CDH22: variants seen among roughly 807,000 people sequenced by gnomAD.
CDH22 encodes cadherin 22.
Under a neutral mutation model 58.4 loss-of-function variants are expected in CDH22, and 30 were observed. The observed-to-expected ratio is 0.51, with a 90% CI of 0.38 to 0.70. The LOEUF (loss-of-function observed/expected upper bound fraction) is 0.70, where lower values mean the gene tolerates loss of function less well. Ranked by LOEUF, CDH22 falls within the 30% of genes least tolerant of loss-of-function variation. The pLI is 0.00. For missense variants in CDH22, 1,014 were observed against 1,233.9 expected (o/e 0.82, Z 2.67); for synonymous variants, 513 against 558.2 (o/e 0.92, Z 1.14).
At chr20:46,202,197 C>T (rs1398727910) in intron 7 of CDH22, among the ~76,000 whole-genome samples, 1 of 151,950 alleles carries the variant, frequency 6.6e-6, no homozygotes, top group Non-Finnish European at 1.5e-5. Context: ...TGCCCAGCCA[C>T]GTGTCCTAGA....
At chr20:46,209,333 AG>A (rs1448556486) in intron 7 of CDH22, among the ~76,000 whole-genome samples, 1 of 152,108 alleles carries the variant, frequency 6.6e-6, no homozygotes, top group Admixed American at 6.5e-5. Context: ...CAAGGCTGTG[AG>A]GGGGCCAGTG....
chr20:46,284,562 C>T (rs2086567376), intron 1 of CDH22, among the ~76,000 whole-genome samples: 1 of 152,194 alleles, frequency 6.6e-6, no homozygotes, highest in Non-Finnish European at 1.5e-5. Flanking sequence ...GAGGTGCAGA[C>T]TCAGAGGTGG....
At chr20:46,283,128 G>A (rs1735204591) in intron 1 of CDH22, among the ~76,000 whole-genome samples, 1 of 152,194 alleles carries the variant, frequency 6.6e-6, no homozygotes, top group African/African-American at 2.4e-5. Context: ...ATCCAGTTAT[G>A]GCAAGAAGCA....
chr20:46,211,087 C>G (rs368767247), intron 6 of CDH22, among the ~76,000 whole-genome samples: 3 of 152,164 alleles, frequency 2.0e-5, no homozygotes, highest in East Asian at 1.9e-4. Flanking sequence ...GAGTTGAGCC[C>G]GATAAGCCGG....
chr20:46,174,160 T>G lies in CDH22; in HGVS notation c.*346A>C. 1 of 333,144 alleles carries G rather than the reference T, an allele frequency of 3.0e-6. No individual in the cohort carries two copies. The highest frequency in any genetic ancestry group is 5.4e-6 in the Non-Finnish European group (1 of 184,726). The allele number at this position is 333,144 out of a possible 1,614,324, so 20.6% of individuals were successfully genotyped here. A position where few individuals can be genotyped will look rare whatever the true frequency, so the allele number is the denominator to read the frequency against. ...CTGGGGTGGGGGCATCTCAGCGGCGTGCTCCCTCCAGCATTCTCCCCCAGG... is the reference window on the plus strand; with the variant it reads ...CTGGGGTGGGGGCATCTCAGCGGCGGGCTCCCTCCAGCATTCTCCCCCAGG... On this transcript the variant is annotated 3_prime_UTR_variant, in exon 12 of 12. Transcript: ENST00000537909. This position sits in a 1 kb window ranked among gnomAD's most constrained non-coding sequence, Gnocchi z 4.4.
chr20:46,283,216 G>C (rs981179277), intron 1 of CDH22, among the ~76,000 whole-genome samples: 1 of 152,200 alleles, frequency 6.6e-6, no homozygotes, highest in African/African-American at 2.4e-5. Flanking sequence ...AGTTGGGGTT[G>C]GAACCTATGT....
At chr20:46,207,612 T>A (rs553964066) in intron 7 of CDH22, among the ~76,000 whole-genome samples, 14 of 152,130 alleles carry the variant, frequency 9.2e-5, no homozygotes, top group Non-Finnish European at 1.8e-4. Flanking sequence ...GAAAGTAGCG[T>A]GGGCATTCTC....
Position 46,308,327 on chromosome 20 carries a change from G to A in CDH22, c.-472C>T, listed in dbSNP as rs1175701036. 5.8e-6 allele frequency: 1 copy of A among 171,454 alleles called. No individual in the cohort carries two copies. Among genetic ancestry groups the A allele is most frequent in the Non-Finnish European group, 1.2e-5 (1 of 80,282 alleles). 10.6% of individuals were successfully genotyped at this position (171,454 alleles called of 1,614,324 possible). On this transcript the variant is annotated 5_prime_UTR_variant, in exon 1 of 12. Coordinates refer to ENST00000537909, the MANE Select transcript of CDH22 (RefSeq NM_021248.3). The surrounding 1 kb of genome is among the most constrained non-coding windows in gnomAD (Gnocchi z 4.3). ...CTGCGTGGGGCGGGAGCCCCGGCGC[G>A]GGCAGCGGGCGAGTCCGGAGCCCCG... is the stretch of plus-strand genomic sequence containing the variant.
chr20:46,175,928 G>A (rs1227499238), intron 11 of CDH22, among the ~76,000 whole-genome samples: 1 of 152,190 alleles, frequency 6.6e-6, no homozygotes, highest in Non-Finnish European at 1.5e-5. Flanking sequence ...CTCTATCTTG[G>A]TGCCTGGCAT....
intron 7 of CDH22, among the ~76,000 whole-genome samples, chr20:46,208,690 T>C (rs1468624536): frequency 6.6e-6 from 1 of 151,998 alleles, no homozygotes; most frequent in African/African-American, 2.4e-5. Context: ...TGCCTCCGGG[T>C]TCAAGCGATT....
chr20:46,233,263 C>T (rs1260833010), intron 3 of CDH22, among the ~76,000 whole-genome samples: 2 of 152,172 alleles, frequency 1.3e-5, no homozygotes, highest in African/African-American at 2.4e-5. Context: ...CCTTTTCTTT[C>T]CTTATGGATC....
chr20:46,256,509 G>C (rs1195766288), intron 1 of CDH22, among the ~76,000 whole-genome samples: 1 of 152,194 alleles, frequency 6.6e-6, no homozygotes, highest in Non-Finnish European at 1.5e-5. Flanking sequence ...AGCAGCATGT[G>C]TCTAGTGGGA....
chr20:46,264,893 G>GTGCGCA (rs2086451205), intron 1 of CDH22, among the ~76,000 whole-genome samples: 1 of 148,796 alleles, frequency 6.7e-6, no homozygotes. Flanking sequence ...CACCGTGCGC[G>GTGCGCA]CACACACACC....
chr20:46,180,277 A>G (rs140112979), intron 10 of CDH22, among the ~76,000 whole-genome samples: 18 of 152,338 alleles, frequency 1.2e-4, no homozygotes, highest in African/African-American at 4.3e-4. Flanking sequence ...GGGTGGTCAC[A>G]CTGGATGGCA....
At chr20:46,219,745 T>C (rs557312658) in intron 4 of CDH22, 6 of 152,358 alleles carry the variant, frequency 3.9e-5, no homozygotes, top group Admixed American at 2.6e-4. Context: ...CTTAGGTGAA[T>C]TGCCTCATTT....
rs754896889 is a variant in CDH22 at position 46,178,200 on chromosome 20, G to A, written c.1664-3C>T. 1.4e-5 allele frequency: 22 copies of A among 1,607,864 alleles called. 1 individual carries two copies. In the South Asian group the frequency reaches 2.4e-4, roughly 18 times the overall value. Reference sequence around the variant, plus strand: ...CGTGTGCACTGCAGCGGTGTTGTCTGTTCCGGAAGAAGGGGGAGCGGTGTG... The same window carrying A: ...CGTGTGCACTGCAGCGGTGTTGTCTATTCCGGAAGAAGGGGGAGCGGTGTG... On this transcript the variant is annotated splice_polypyrimidine_tract_variant and splice_region_variant and intron_variant, in intron 10 of 11. Transcript: ENST00000537909.
At chr20:46,196,791 G>A (rs58169133) in intron 8 of CDH22, among the ~76,000 whole-genome samples, 10,018 of 152,200 alleles carry the variant, frequency 0.066, 503 homozygotes, top group African/African-American at 0.13. Flanking sequence ...GAAAGGGCCC[G>A]GAACAGAGTC....
chr20:46,295,702 T>C (rs1393610423), intron 1 of CDH22, among the ~76,000 whole-genome samples: 1 of 152,182 alleles, frequency 6.6e-6, no homozygotes, highest in Non-Finnish European at 1.5e-5. Flanking sequence ...TCCTGATAGG[T>C]GATGATCCAG....
intron 1 of CDH22, among the ~76,000 whole-genome samples, chr20:46,285,148 C>A (rs1169831727): frequency 1.3e-5 from 2 of 152,198 alleles, no homozygotes; most frequent in African/African-American, 4.8e-5. Flanking sequence ...TTGCATGTGC[C>A]GTGACCATCC....
Sources: allele counts gnomAD v4.1 joint callset (sites outside exome capture counted in the v4.1 genomes callset), GRCh38; gene constraint gnomAD v4.1.1; non-coding constraint Gnocchi (gnomAD v3.1); transcripts MANE v1.5; gene names NCBI Gene and HGNC (gene_info 2026-07-23, HGNC 2026-07-21).